The following SYNPR variants were observed in gnomAD, a reference collection of about 807,000 sequenced individuals.
The protein encoded by SYNPR is synaptoporin.
SYNPR carries 23 observed loss-of-function variants against 32.9 expected under a neutral mutation model. The ratio of observed to expected loss-of-function variants is 0.70; its 90% CI spans 0.50 to 0.99. SYNPR has a LOEUF of 0.99. Ranked by LOEUF, SYNPR falls within the 50% of genes least tolerant of loss-of-function variation. The pLI is 0.00. For synonymous variants in SYNPR, 146 were observed against 135.9 expected, an observed-to-expected ratio of 1.07 and a Z score of -0.52; for missense variants, 318 against 349.3, an observed-to-expected ratio of 0.91 and a Z score of 0.71.
At chr3:63,433,316 T>C (rs1700024343) in intron 2 of SYNPR, among the ~76,000 whole-genome samples, 1 of 152,210 alleles carries the variant, frequency 6.6e-6, no homozygotes. Context: ...ACTGACTCTC[T>C]TAATTTGTAT....
chr3:63,393,879 C>G (rs1483941586), intron 2 of SYNPR, among the ~76,000 whole-genome samples: 3 of 152,066 alleles, frequency 2.0e-5, no homozygotes, highest in Non-Finnish European at 4.4e-5. Context: ...AAATGGTATT[C>G]TCTTGCTGCC....
intron 2 of SYNPR, among the ~76,000 whole-genome samples, chr3:63,261,173 T>G (rs1323113066): frequency 3.9e-5 from 6 of 151,988 alleles, no homozygotes; most frequent in Non-Finnish European, 7.4e-5. Flanking sequence ...CCTCAGGGCT[T>G]TAGAACTAGA....
At chr3:63,367,847 TA>T in intron 2 of SYNPR, among the ~76,000 whole-genome samples, 1 of 152,288 alleles carries the variant, frequency 6.6e-6, no homozygotes, top group South Asian at 2.1e-4. Flanking sequence ...ATTTTATTTT[TA>T]AGAGGGCAAG....
intron 2 of SYNPR, among the ~76,000 whole-genome samples, chr3:63,428,043 T>C (rs1399600514): frequency 6.6e-6 from 1 of 152,222 alleles, no homozygotes. Context: ...CTTATCTTTT[T>C]TATTGTCCTT....
At chr3:63,532,728 C>T (rs566992299) in intron 3 of SYNPR, among the ~76,000 whole-genome samples, 26 of 152,328 alleles carry the variant, frequency 1.7e-4, no homozygotes, top group South Asian at 8.3e-4. Flanking sequence ...GTCCATAAGA[C>T]GCAAACAATA....
At chr3:63,379,744 T>C (rs2087942359) in intron 2 of SYNPR, among the ~76,000 whole-genome samples, 1 of 152,166 alleles carries the variant, frequency 6.6e-6, no homozygotes, top group African/African-American at 2.4e-5. Context: ...AGGTACAGGT[T>C]TGTTACATAT....
rs940694886 is a variant in SYNPR, at chr3:63,251,267, T to C, written n.67-1232T>C. Among the ~76,000 whole-genome samples the C allele has an allele frequency of 1.1e-3, 161 of 151,962 alleles. 1 individual carries two copies. Among genetic ancestry groups the C allele is most frequent in the Non-Finnish European group, 1.9e-3 (126 of 68,004 alleles). ...CCAAAAGATGGGGACAGATTTATTG[T>C]CCTGCCACGAAAAAGTCTCTAAGAC... On this transcript the variant is annotated intron_variant and non_coding_transcript_variant, in intron 1 of 4. Transcript: ENST00000478456.
intron 2 of SYNPR, among the ~76,000 whole-genome samples, chr3:63,460,188 C>G (rs2106652584): frequency 6.6e-6 from 1 of 152,202 alleles, no homozygotes. Flanking sequence ...ATATCCTTAG[C>G]AGATCCATAA....
intron 1 of SYNPR, among the ~76,000 whole-genome samples, chr3:63,248,514 G>A (rs2086307745): frequency 6.6e-6 from 1 of 152,136 alleles, no homozygotes; most frequent in Admixed American, 6.6e-5. Flanking sequence ...TTGAAAGAGT[G>A]AGAAATCAGA....
chr3:63,490,555 G>C (rs1701239776), intron 3 of SYNPR, among the ~76,000 whole-genome samples: 1 of 152,002 alleles, frequency 6.6e-6, no homozygotes, highest in Non-Finnish European at 1.5e-5. Context: ...GGAAGGCATG[G>C]TATATAGCAT....
At chr3:63,573,073 TA>T (rs1457331613) in intron 4 of SYNPR, among the ~76,000 whole-genome samples, 3 of 152,092 alleles carry the variant, frequency 2.0e-5, no homozygotes, top group African/African-American at 7.2e-5. Context: ...GTTTTCCAAT[TA>T]GGGGGACAAC....
At chr3:63,270,536 A>G (rs929783539) in intron 3 of SYNPR, among the ~76,000 whole-genome samples, 1 of 152,204 alleles carries the variant, frequency 6.6e-6, no homozygotes, top group Non-Finnish European at 1.5e-5. Context: ...CCTCATCAAT[A>G]TCTTCAGATT....
At chr3:63,224,668 G>A (rs1259205237), upstream of SYNPR, among the ~76,000 whole-genome samples, 1 of 152,168 alleles carries the variant, frequency 6.6e-6, no homozygotes, top group Non-Finnish European at 1.5e-5. Flanking sequence ...AAGACTATGC[G>A]GTTCCTTGAA....
intron 2 of SYNPR, among the ~76,000 whole-genome samples, chr3:63,421,175 G>T (rs540859642): frequency 6.6e-6 from 1 of 152,254 alleles, no homozygotes; most frequent in Admixed American, 6.5e-5. Flanking sequence ...GAGCCACTAT[G>T]CCCAGCTTCT....
At chr3:63,365,087 T>G (rs527388332) in intron 2 of SYNPR, among the ~76,000 whole-genome samples, 1 of 152,070 alleles carries the variant, frequency 6.6e-6, no homozygotes, top group East Asian at 1.9e-4. Flanking sequence ...CAGAAACTAT[T>G]TAGGGAGGAT....
At chr3:63,443,592 G>C in intron 2 of SYNPR, 1 of 1,089,712 alleles carries the variant, frequency 9.2e-7, no homozygotes, top group East Asian at 2.6e-5. Context: ...TAAGTCTCTA[G>C]TAATAATCTC....
At chr3:63,533,447 C>T (rs1427222885) in intron 3 of SYNPR, among the ~76,000 whole-genome samples, 1 of 152,040 alleles carries the variant, frequency 6.6e-6, no homozygotes, top group Non-Finnish European at 1.5e-5. Flanking sequence ...TTCAATTAGT[C>T]CTTTTTGTTT....
chr3:63,518,713 T>G (rs1281182167), intron 3 of SYNPR, among the ~76,000 whole-genome samples: 1 of 152,144 alleles, frequency 6.6e-6, no homozygotes, highest in Non-Finnish European at 1.5e-5. Context: ...GCTTTACATG[T>G]GGACTCAGCC....
Position 63,497,701 on chromosome 3 carries a change from G to T in SYNPR, c.209+16745G>T, listed in dbSNP as rs183542070. Among the ~76,000 whole-genome samples the T allele has an allele frequency of 8.5e-5, 13 of 152,136 alleles. No homozygotes were observed. The East Asian group carries it at 1.9e-3, about 23-fold the overall frequency. The stretch of plus-strand genomic sequence containing the variant: ...TGAATATTCTTTAAAGACTGATAAA[G>T]CTTAGTGTTTCCTTTATACAGATTT... On this transcript the variant is annotated intron_variant, in intron 3 of 5. Coordinates refer to ENST00000478300, the MANE Select transcript of SYNPR (RefSeq NM_001130003.2).
Sources: allele counts gnomAD v4.1 joint callset (sites outside exome capture counted in the v4.1 genomes callset), GRCh38; gene constraint gnomAD v4.1.1; transcripts MANE v1.5; gene names NCBI Gene and HGNC (gene_info 2026-07-23, HGNC 2026-07-21).